The following TIAM1 variants were observed in gnomAD, a reference collection of about 807,000 sequenced individuals.
TIAM1 encodes the protein rho guanine nucleotide exchange factor TIAM1.
Under a neutral mutation model 163.5 loss-of-function variants are expected in TIAM1, and 65 were observed. The ratio of observed to expected loss-of-function variants is 0.40; its 90% confidence interval spans 0.33 to 0.49. The LOEUF is 0.49. Among genes scored for constraint, TIAM1 ranks in the 20% least tolerant of loss-of-function variants. The probability of loss-of-function intolerance (pLI) is 0.77; values close to 1 mark genes in which losing one functional copy is unlikely to be tolerated. For missense variants in TIAM1, 1,789 were observed against 2,044.7 expected (o/e 0.87, Z 2.41); for synonymous variants, 833 against 810.1 (o/e 1.03, Z -0.48).
At chr21:31,226,085 TG>T in intron 6 of TIAM1, 135 bp from the exon 7 acceptor site, 1 of 687,744 alleles carries the variant, frequency 1.5e-6, no homozygotes, top group Admixed American at 2.9e-5. Flanking sequence ...AAGAATAACC[TG>T]ACCTCCTCTT....
chr21:31,215,110 T>G (rs1332534505), intron 9 of TIAM1, among the ~76,000 whole-genome samples: 2 of 152,082 alleles, frequency 1.3e-5, no homozygotes, highest in African/African-American at 4.8e-5. Context: ...CTTGAATTCA[T>G]TTAAATTCAG....
intron 1 of TIAM1, among the ~76,000 whole-genome samples, chr21:31,484,367 A>C (rs1428594988): frequency 6.6e-6 from 1 of 152,224 alleles, no homozygotes; most frequent in Non-Finnish European, 1.5e-5. Flanking sequence ...CTGCAGGCAC[A>C]TACCCGCAGG....
intron 2 of TIAM1, among the ~76,000 whole-genome samples, chr21:31,424,644 G>A (rs2043716826): frequency 6.6e-6 from 1 of 152,162 alleles, no homozygotes; most frequent in Admixed American, 6.5e-5. Flanking sequence ...GGGAGCAGAG[G>A]GAGAATGTGG....
chr21:31,169,586 A>C (rs536136603), intron 15 of TIAM1, among the ~76,000 whole-genome samples: 1 of 152,306 alleles, frequency 6.6e-6, no homozygotes, highest in South Asian at 2.1e-4. Context: ...AGAAACAAAG[A>C]ATGAGAAAGT....
intron 2 of TIAM1, among the ~76,000 whole-genome samples, chr21:31,305,531 G>A (rs770113761): frequency 1.3e-5 from 2 of 152,044 alleles, no homozygotes; most frequent in African/African-American, 2.4e-5. Context: ...CCTCACGGGG[G>A]CTCACCTCCT....
Position 31,422,725 on chromosome 21 carries a change from T to C in TIAM1, c.-369+41258A>G, listed in dbSNP as rs189006236. The stretch of plus-strand genomic sequence containing the variant: ...CCTTTGCACCAATGAGCACCTCTCA[T>C]GAACACATTGAGTATCTTTGTACCT... On this transcript the variant is annotated intron_variant, in intron 2 of 28. Coordinates refer to the TIAM1 transcript ENST00000286827. Among the ~76,000 whole-genome samples the C allele has an allele frequency of 9.5e-4, 144 of 152,338 alleles. 1 individual carries two copies. The highest frequency in any genetic ancestry group is 3.2e-3 in the African/African-American group (134 of 41,584).
chr21:31,537,046 G>A (rs1020484502), intron 1 of TIAM1, among the ~76,000 whole-genome samples: 5 of 152,234 alleles, frequency 3.3e-5, no homozygotes, highest in African/African-American at 1.2e-4. Context: ...GTAGCTCCGG[G>A]CGGCTTCTTG....
chr21:31,241,750 T>C (rs1384872927), intron 6 of TIAM1, among the ~76,000 whole-genome samples: 2 of 152,186 alleles, frequency 1.3e-5, no homozygotes, highest in Non-Finnish European at 2.9e-5. Context: ...TTCATGCCTA[T>C]CATCCCAGTG....
At chr21:31,126,372 T>C (rs2082199987) in intron 26 of TIAM1, among the ~76,000 whole-genome samples, 1 of 151,968 alleles carries the variant, frequency 6.6e-6, no homozygotes, top group Admixed American at 6.6e-5. Context: ...ATCGAGACCA[T>C]CCTGGCTAAC....
At chr21:31,390,302 G>C (rs2076946697) in intron 2 of TIAM1, among the ~76,000 whole-genome samples, 1 of 152,152 alleles carries the variant, frequency 6.6e-6, no homozygotes, top group African/African-American at 2.4e-5. Context: ...AAAGCAATTT[G>C]AGAATCTCAC....
intron 1 of TIAM1, among the ~76,000 whole-genome samples, chr21:31,491,046 G>A (rs930498386): frequency 3.3e-5 from 5 of 152,200 alleles, no homozygotes; most frequent in African/African-American, 9.7e-5. Context: ...CAGGAGAATC[G>A]CTTGACCTAG....
In TIAM1 at chr21:31,442,070, AAT is replaced by A. The variant is rs138822110; in HGVS notation, c.-369+21911_-369+21912del. Among the ~76,000 whole-genome samples the A allele has an allele frequency of 1.5e-3, 82 of 53,208 alleles. 15 individuals carry two copies. The South Asian group carries it at 0.045, about 29-fold the overall frequency. The allele number at this position is 53,208 out of a possible 152,430, so 34.9% of individuals were successfully genotyped here. A position where few individuals can be genotyped will look rare whatever the true frequency, so the allele number is the denominator to read the frequency against. On this transcript the variant is annotated intron_variant, in intron 2 of 28. Coordinates refer to the TIAM1 transcript ENST00000286827. Reference sequence around the variant, plus strand: ...GACCCTATCTCAGAACAAATAAATAAATATATATATATATATAGAACAATAAG... The same window carrying A: ...GACCCTATCTCAGAACAAATAAATAAATATATATATATATAGAACAATAAG...
At chr21:31,295,246 G>A (rs551836655) in intron 2 of TIAM1, among the ~76,000 whole-genome samples, 113 of 152,224 alleles carry the variant, frequency 7.4e-4, no homozygotes, top group African/African-American at 2.5e-3. Context: ...CAAGGCGGGC[G>A]GATCATGAAG....
chr21:31,522,117 C>T (rs951161231), intron 1 of TIAM1, among the ~76,000 whole-genome samples: 5 of 151,788 alleles, frequency 3.3e-5, no homozygotes, highest in African/African-American at 9.7e-5. Context: ...GTGATCCGCC[C>T]GCCTCGGCCT....
At chr21:31,423,857 G>T (rs952836083) in intron 2 of TIAM1, among the ~76,000 whole-genome samples, 3 of 116,264 alleles carry the variant, frequency 2.6e-5, no homozygotes, top group Non-Finnish European at 3.2e-5. Flanking sequence ...TGATTATCGG[G>T]GGGGGCGGGG....
intron 19 of TIAM1, among the ~76,000 whole-genome samples, chr21:31,149,325 G>A (rs1346376448): frequency 2.6e-5 from 4 of 152,064 alleles, no homozygotes; most frequent in Admixed American, 6.6e-5. Context: ...TATATTTACT[G>A]GTTGAGCATC....
chr21:31,395,211 C>G lies in TIAM1; in HGVS notation c.-368-55789G>C, dbSNP rs1397389188. Among the ~76,000 whole-genome samples, 1 of 151,164 alleles carries G rather than the reference C, an allele frequency of 6.6e-6. No individual in the cohort carries two copies. Among genetic ancestry groups the G allele is most frequent in the East Asian group, 2.0e-4 (1 of 5,038 alleles). On this transcript the variant is annotated intron_variant, in intron 2 of 28. Transcript: ENST00000286827. This position sits in a 1 kb window ranked among gnomAD's most constrained non-coding sequence, Gnocchi z 7.5. ...TGAGATCGCGCCACCACACTCCAGC[C>G]TGGGCAACAGAGTGAGACTCTGTCT...
At chr21:31,275,043 A>G (rs1212977554) in intron 3 of TIAM1, among the ~76,000 whole-genome samples, 9 of 151,398 alleles carry the variant, frequency 5.9e-5, no homozygotes, top group Non-Finnish European at 1.3e-4. Context: ...AATCTCTTGA[A>G]CCCTGGAGGC....
chr21:31,132,513 AGGCT>A (rs1244069278), intron 23 of TIAM1, among the ~76,000 whole-genome samples: 1 of 152,170 alleles, frequency 6.6e-6, no homozygotes, highest in African/African-American at 2.4e-5. Flanking sequence ...GAAATCAGAG[AGGCT>A]GGGACAGCTA....
Sources: allele counts gnomAD v4.1 joint callset (sites outside exome capture counted in the v4.1 genomes callset), GRCh38; gene constraint gnomAD v4.1.1; non-coding constraint Gnocchi (gnomAD v3.1); transcripts MANE v1.5; gene names NCBI Gene and HGNC (gene_info 2026-07-23, HGNC 2026-07-21).